The following COL14A1 variants were observed in gnomAD, a reference collection of about 807,000 sequenced individuals.
The protein encoded by COL14A1 is collagen alpha-1(XIV) chain.
A neutral mutation model predicts 230.3 loss-of-function variants in COL14A1; 136 were observed. That is an observed-to-expected ratio of 0.59 (90% confidence interval 0.51 to 0.68). COL14A1 has a LOEUF of 0.68. Among genes scored for constraint, COL14A1 ranks in the 30% least tolerant of loss-of-function variants. The probability of loss-of-function intolerance (pLI) is 0.00; values close to 1 mark genes in which losing one functional copy is unlikely to be tolerated. For missense variants in COL14A1, 1,976 were observed against 2,215.8 expected (o/e 0.89, Z 2.17); for synonymous variants, 792 against 784.1 (o/e 1.01, Z -0.17).
intron 23 of COL14A1, among the ~76,000 whole-genome samples, chr8:120,256,897 C>A (rs985881564): frequency 6.6e-6 from 1 of 152,082 alleles, no homozygotes; most frequent in Non-Finnish European, 1.5e-5. Flanking sequence ...AATGAAGGAA[C>A]GTGGGTTCCT....
At chr8:120,291,500 C>T (rs1465757561) in intron 34 of COL14A1, among the ~76,000 whole-genome samples, 1 of 132,626 alleles carries the variant, frequency 7.5e-6, no homozygotes, top group African/African-American at 2.9e-5. Flanking sequence ...GCGGATGTTA[C>T]AGTGAACCAA....
chr8:120,270,642 A>G (rs532156363), intron 26 of COL14A1, among the ~76,000 whole-genome samples: 51 of 151,704 alleles, frequency 3.4e-4, no homozygotes, highest in Non-Finnish European at 6.8e-4. Context: ...CAATGTCTCT[A>G]ATTTTGTGGG....
chr8:120,370,497 T>G, intron 47 of COL14A1: 1 of 1,501,318 alleles, frequency 6.7e-7, no homozygotes, highest in Non-Finnish European at 8.9e-7. Context: ...CTGCTTCTTC[T>G]GCATCCCTGC....
At chr8:120,364,599 T>A (rs1198723540) in intron 45 of COL14A1, among the ~76,000 whole-genome samples, 2 of 152,204 alleles carry the variant, frequency 1.3e-5, no homozygotes, top group African/African-American at 4.8e-5. Context: ...AATAATAAAA[T>A]CAGCCAGGCA....
At chr8:120,128,238 T>TAC (rs1563624826) in intron 1 of COL14A1, among the ~76,000 whole-genome samples, 2 of 148,604 alleles carry the variant, frequency 1.3e-5, no homozygotes, top group African/African-American at 5.2e-5. Context: ...CGTGTGTGTG[T>TAC]GTGTGTGTGT....
At chr8:120,185,611 C>T (rs1816626895) in intron 5 of COL14A1, among the ~76,000 whole-genome samples, 1 of 152,050 alleles carries the variant, frequency 6.6e-6, no homozygotes, top group Non-Finnish European at 1.5e-5. Flanking sequence ...TTGTAGTGAG[C>T]TAGTATTGCG....
chr8:120,259,778 G>T (rs975629285), intron 23 of COL14A1, among the ~76,000 whole-genome samples: 4 of 152,160 alleles, frequency 2.6e-5, no homozygotes, highest in Admixed American at 2.0e-4. Context: ...TCCCCGGAAG[G>T]TTTGTGGAGG....
chr8:120,344,921 T>C (rs995676682), intron 44 of COL14A1, among the ~76,000 whole-genome samples: 2 of 152,176 alleles, frequency 1.3e-5, no homozygotes, highest in African/African-American at 4.8e-5. Flanking sequence ...AAAAAAAGGC[T>C]TGATGACCAA....
At chr8:120,370,354 A>T (rs1392246816) in intron 47 of COL14A1, 1 of 1,612,116 alleles carries the variant, frequency 6.2e-7, no homozygotes, top group African/African-American at 1.3e-5. Context: ...CCCTACAATG[A>T]TTACCAGCAC....
At chr8:120,255,153 A>G in intron 22 of COL14A1, 87 bp from the exon 23 acceptor site, 1 of 1,030,798 alleles carries the variant, frequency 9.7e-7, no homozygotes, top group South Asian at 1.3e-5. Flanking sequence ...GCTTTGAATG[A>G]AAATTTTTCC....
At chr8:120,256,482 T>A (rs1365856903) in intron 23 of COL14A1, among the ~76,000 whole-genome samples, 1 of 152,200 alleles carries the variant, frequency 6.6e-6, no homozygotes, top group African/African-American at 2.4e-5. Context: ...CCAGCCAAGA[T>A]ATCATCATGA....
At chr8:120,238,628 G>A (rs1033079871) in intron 19 of COL14A1, among the ~76,000 whole-genome samples, 3 of 152,120 alleles carry the variant, frequency 2.0e-5, no homozygotes, top group African/African-American at 4.8e-5. Context: ...GTTCTGTCTC[G>A]CTGGCATTCC....
In COL14A1 at chr8:120,314,911, C is replaced by G. The variant is rs146852224; in HGVS notation, c.4552-622C>G. On this transcript the variant is annotated intron_variant, in intron 38 of 47. Coordinates refer to ENST00000297848, the MANE Select transcript of COL14A1 (RefSeq NM_021110.4). ...CTACATAGATATGAGATTGTAAAATCCAAGCCGTAAATAATACTGAAATGT... is the reference window on the plus strand; with the variant it reads ...CTACATAGATATGAGATTGTAAAATGCAAGCCGTAAATAATACTGAAATGT... Among the ~76,000 whole-genome samples, 15 of 152,272 alleles carry G rather than the reference C, an allele frequency of 9.9e-5. No individual in the cohort carries two copies. In the East Asian group the frequency reaches 2.9e-3, roughly 29 times the overall value.
At chr8:120,170,638 T>C (rs1343942238) in intron 5 of COL14A1, among the ~76,000 whole-genome samples, 1 of 152,102 alleles carries the variant, frequency 6.6e-6, no homozygotes, top group Non-Finnish European at 1.5e-5. Context: ...TTAGTCCATT[T>C]CTATTTGTAA....
At chr8:120,134,067 C>T (rs914157508) in intron 1 of COL14A1, among the ~76,000 whole-genome samples, 9 of 151,824 alleles carry the variant, frequency 5.9e-5, no homozygotes, top group Non-Finnish European at 1.2e-4. Flanking sequence ...ATTTATATAA[C>T]TCTTTAAAGT....
chr8:120,168,280 A>AG, intron 5 of COL14A1, 33 bp downstream of exon 5: 1 of 1,510,162 alleles, frequency 6.6e-7, no homozygotes, highest in Non-Finnish European at 9.1e-7. Context: ...TCATATTGGG[A>AG]GTTGGGTTGT....
intron 34 of COL14A1, among the ~76,000 whole-genome samples, chr8:120,290,458 C>G (rs1009491248): frequency 2.6e-5 from 4 of 152,146 alleles, no homozygotes; most frequent in African/African-American, 9.7e-5. Flanking sequence ...AGCTAATTAG[C>G]AGCATTCTCT....
At chr8:120,193,155 T>A (rs1228368020) in intron 5 of COL14A1, among the ~76,000 whole-genome samples, 1 of 152,190 alleles carries the variant, frequency 6.6e-6, no homozygotes, top group Non-Finnish European at 1.5e-5. Context: ...TTCTGCTCTG[T>A]TTTTTCCCCA....
Position 120,297,591 on chromosome 8 carries a change from A to G in COL14A1, c.4314+3A>G. ...AATGCTGTGAACTTCCAGGCCTGGT[A>G]AGAATTCTTCCTTCATTTCTATTGA... On this transcript the variant is annotated splice_donor_region_variant and intron_variant, in intron 35 of 47. Coordinates refer to ENST00000297848, the MANE Select transcript of COL14A1 (RefSeq NM_021110.4). The G allele has an allele frequency of 7.3e-7, 1 of 1,375,498 alleles. No homozygotes were observed. The highest frequency in any genetic ancestry group is 2.2e-5 in the South Asian group (1 of 44,506). The allele number at this position is 1,375,498 out of a possible 1,614,324, so 85.2% of individuals were successfully genotyped here.
Sources: allele counts gnomAD v4.1 joint callset (sites outside exome capture counted in the v4.1 genomes callset), GRCh38; gene constraint gnomAD v4.1.1; transcripts MANE v1.5; gene names NCBI Gene and HGNC (gene_info 2026-07-23, HGNC 2026-07-21).